Variants in RIN3 observed in about 807,000 individuals in gnomAD.
RIN3 encodes Ras and Rab interactor 3, also known as RAB5 interacting protein 3.
A neutral mutation model predicts 76.3 loss-of-function variants in RIN3; 54 were observed. That is an observed-to-expected ratio of 0.71 (90% CI 0.57 to 0.89). RIN3 has a LOEUF of 0.89. Among genes scored for constraint, RIN3 ranks in the 40% least tolerant of loss-of-function variants. The pLI, the probability that RIN3 is intolerant of heterozygous loss-of-function variation, is 0.00. For missense variants in RIN3, 1,256 were observed against 1,322.1 expected, an observed-to-expected ratio of 0.95 and a Z score of 0.78; for synonymous variants, 576 against 564.0, an observed-to-expected ratio of 1.02 and a Z score of -0.30.
intron 1 of RIN3, among the ~76,000 whole-genome samples, chr14:92,531,460 C>T (rs1017811950): frequency 6.6e-6 from 1 of 152,200 alleles, no homozygotes; most frequent in African/African-American, 2.4e-5. Context: ...TAAATGTTAA[C>T]AGGGAACAAA....
At chr14:92,527,068 T>TTTTA (rs1491175467) in intron 1 of RIN3, among the ~76,000 whole-genome samples, 1 of 141,152 alleles carries the variant, frequency 7.1e-6, no homozygotes, top group African/African-American at 3.0e-5. Context: ...TTTTTTTTTT[T>TTTTA]GAGACAGAGT....
At chr14:92,674,648 G>C (rs1397445022) in intron 7 of RIN3, among the ~76,000 whole-genome samples, 1 of 152,034 alleles carries the variant, frequency 6.6e-6, no homozygotes, top group African/African-American at 2.4e-5. Context: ...CAGCACTTTA[G>C]GAGGCTGAGA....
intron 4 of RIN3, among the ~76,000 whole-genome samples, chr14:92,625,805 G>T (rs1402726451): frequency 1.3e-5 from 2 of 152,210 alleles, no homozygotes; most frequent in East Asian, 1.9e-4. Context: ...GAAGCCGTCT[G>T]TTGGAAGGTG....
chr14:92,584,973 C>T (rs1412285302), intron 3 of RIN3, among the ~76,000 whole-genome samples: 1 of 152,172 alleles, frequency 6.6e-6, no homozygotes, highest in Admixed American at 6.5e-5. Context: ...GGTAGCCCCT[C>T]TTCATTTCCT....
intron 2 of RIN3, among the ~76,000 whole-genome samples, chr14:92,556,249 A>G (rs1312519388): frequency 6.6e-6 from 1 of 151,930 alleles, no homozygotes; most frequent in Non-Finnish European, 1.5e-5. Context: ...GGCAGGACTG[A>G]TGCAGTCAGG....
Position 92,688,209 on chromosome 14 carries a change from G to T in RIN3, c.2915G>T (p.Gly972Val). 1 of 1,603,974 alleles carries T rather than the reference G, an allele frequency of 6.2e-7. No homozygotes were observed. Among genetic ancestry groups the T allele is most frequent in the Non-Finnish European group, 8.5e-7 (1 of 1,176,928 alleles). The change falls in exon 10 of 10, where the codon GGG becomes GTG. Residue 972 changes from glycine (G) to valine (V), a missense_variant. Around this residue, in one of 3 missense-constraint regions of RIN3, gnomAD observed 218 missense variants for 174.5 expected, o/e 1.25. Coordinates refer to ENST00000216487, the MANE Select transcript of RIN3 (RefSeq NM_024832.5). ...PLDGGGGGGG[G>V]SPPCLVVREP... The stretch of plus-strand genomic sequence containing the variant: ...GACGGTGGTGGCGGCGGCGGCGGCG[G>T]GAGCCCGCCCTGCCTGGTGGTGCGG...
intron 3 of RIN3, among the ~76,000 whole-genome samples, chr14:92,590,666 A>G (rs2140076297): frequency 1.3e-5 from 2 of 152,342 alleles, no homozygotes; most frequent in East Asian, 3.9e-4. Context: ...TAGCAATGCA[A>G]GAATGGCCTA....
intron 3 of RIN3, among the ~76,000 whole-genome samples, chr14:92,610,539 C>T (rs561641375): frequency 2.0e-5 from 3 of 152,312 alleles, no homozygotes; most frequent in East Asian, 3.9e-4. Flanking sequence ...CAGCCCCTGC[C>T]TCTCACAGTA....
chr14:92,561,660 A>G (rs910537083), intron 2 of RIN3, among the ~76,000 whole-genome samples: 1 of 152,108 alleles, frequency 6.6e-6, no homozygotes, highest in African/African-American at 2.4e-5. Flanking sequence ...AGTATTAACT[A>G]AAGCCCGTAC....
intron 8 of RIN3, among the ~76,000 whole-genome samples, chr14:92,680,989 T>C (rs920766685): frequency 6.6e-6 from 1 of 151,186 alleles, no homozygotes; most frequent in Admixed American, 6.6e-5. Context: ...TGTGAAGTCA[T>C]GGGACAGACA....
At chr14:92,657,731 G>T (rs1400108528) in intron 6 of RIN3, among the ~76,000 whole-genome samples, 2 of 152,204 alleles carry the variant, frequency 1.3e-5, no homozygotes, top group African/African-American at 4.8e-5. Flanking sequence ...CGGGAGGTGG[G>T]CGTGGAAGGA....
At chr14:92,602,721 G>T (rs1186483945) in intron 3 of RIN3, among the ~76,000 whole-genome samples, 1 of 152,178 alleles carries the variant, frequency 6.6e-6, no homozygotes, top group Non-Finnish European at 1.5e-5. Context: ...GGGAATTTGG[G>T]AGAAGGAGGC....
At chr14:92,627,587 C>G (rs920988196) in intron 4 of RIN3, among the ~76,000 whole-genome samples, 3 of 152,252 alleles carry the variant, frequency 2.0e-5, no homozygotes, top group African/African-American at 7.2e-5. Flanking sequence ...CACAGCTTTT[C>G]TTACTTTGGT....
chr14:92,522,843 A>G (rs929770774), intron 1 of RIN3, among the ~76,000 whole-genome samples: 1 of 152,212 alleles, frequency 6.6e-6, no homozygotes. Flanking sequence ...ACAGTGAGAT[A>G]TAAGTGGGGA....
At chr14:92,603,792 G>A (rs559291666) in intron 3 of RIN3, among the ~76,000 whole-genome samples, 6 of 152,314 alleles carry the variant, frequency 3.9e-5, no homozygotes, top group African/African-American at 1.4e-4. Context: ...TCCTCAGGCA[G>A]GAAAGGGTGG....
At chr14:92,536,959 A>G (rs1194395648) in intron 1 of RIN3, among the ~76,000 whole-genome samples, 1 of 152,002 alleles carries the variant, frequency 6.6e-6, no homozygotes, top group Non-Finnish European at 1.5e-5. Flanking sequence ...TAAACTCTGG[A>G]AACATAATTT....
intron 7 of RIN3, among the ~76,000 whole-genome samples, chr14:92,662,736 C>T (rs180771112): frequency 1.4e-3 from 214 of 152,282 alleles, no homozygotes; most frequent in African/African-American, 5.0e-3. Flanking sequence ...CTGGAAGGGG[C>T]AATTCCATTC....
Position 92,568,648 on chromosome 14 carries a change from A to G in RIN3, c.250-8712A>G, listed in dbSNP as rs1419396538. Among the ~76,000 whole-genome samples, 1 of 152,236 alleles carries G rather than the reference A, an allele frequency of 6.6e-6. No homozygotes were observed. Among genetic ancestry groups the G allele is most frequent in the African/African-American group, 2.4e-5 (1 of 41,470 alleles). On this transcript the variant is annotated intron_variant, in intron 2 of 9. Transcript: ENST00000216487. This position sits in a 1 kb window ranked among gnomAD's most constrained non-coding sequence, Gnocchi z 4.2. Reference sequence around the variant, plus strand: ...CCTCACCCATGGCCACCTGGGCAGGAAACGTCAGAGGACTCCTGGAGCCAT... The same window carrying G: ...CCTCACCCATGGCCACCTGGGCAGGGAACGTCAGAGGACTCCTGGAGCCAT...
chr14:92,554,224 G>A (rs946299545), intron 1 of RIN3, among the ~76,000 whole-genome samples: 4 of 152,160 alleles, frequency 2.6e-5, no homozygotes, highest in Non-Finnish European at 2.9e-5. Flanking sequence ...GCGAGGCTCC[G>A]AGATGTTGTT....
Sources: allele counts gnomAD v4.1 joint callset (sites outside exome capture counted in the v4.1 genomes callset), GRCh38; gene constraint gnomAD v4.1.1; regional missense constraint gnomAD v4.1.1; non-coding constraint Gnocchi (gnomAD v3.1); transcripts MANE v1.5; gene names NCBI Gene and HGNC (gene_info 2026-07-23, HGNC 2026-07-21).